The following MYSM1 variants were observed in gnomAD, a reference collection of about 807,000 sequenced individuals.
MYSM1 encodes deubiquitinase MYSM1.
MYSM1 carries 51 observed loss-of-function variants against 116.0 expected under a neutral mutation model. The ratio of observed to expected loss-of-function variants is 0.44; its 90% confidence interval spans 0.35 to 0.56. The LOEUF (loss-of-function observed/expected upper bound fraction) is 0.56. Ranked by LOEUF, MYSM1 falls within the 20% of genes least tolerant of loss-of-function variation. The pLI is 0.00. For synonymous variants in MYSM1, 313 were observed against 315.2 expected, an observed-to-expected ratio of 0.99 and a Z score of 0.07; for missense variants, 900 against 974.9, an observed-to-expected ratio of 0.92 and a Z score of 1.02.
At chr1:58,685,727 AG>A (rs1408500509) in intron 6 of MYSM1, among the ~76,000 whole-genome samples, 15 of 152,328 alleles carry the variant, frequency 9.8e-5, no homozygotes, top group African/African-American at 2.6e-4. Context: ...TTACTCTATC[AG>A]ATATCACAGT....
chr1:58,677,101 G>A (rs751043034), intron 8 of MYSM1, 45 bp from the exon 9 acceptor site: 9 of 1,523,024 alleles, frequency 5.9e-6, no homozygotes, highest in Admixed American at 2.2e-5. Flanking sequence ...AAATAAAAAC[G>A]TGAAAAAAGA....
intron 3 of MYSM1, among the ~76,000 whole-genome samples, chr1:58,692,150 ATAAT>A (rs1389726638): frequency 2.0e-5 from 3 of 152,204 alleles, no homozygotes; most frequent in Non-Finnish European, 2.9e-5. Flanking sequence ...TTAACCTATG[ATAAT>A]TAAAGGTACA....
At chr1:58,662,061 C>T (rs1644400587) in intron 17 of MYSM1, among the ~76,000 whole-genome samples, 1 of 151,874 alleles carries the variant, frequency 6.6e-6, no homozygotes, top group Non-Finnish European at 1.5e-5. Context: ...ATGTTAAAAC[C>T]CAGCAGGTTT....
In MYSM1 at chr1:58,655,597, A is replaced by C. The variant is rs1177417130; in HGVS notation, c.*4400T>G. 1.3e-5 allele frequency: 2 copies of C among 152,196 alleles called. No individual in the cohort carries two copies. The highest frequency in any genetic ancestry group is 6.5e-5 in the Admixed American group (1 of 15,274). 9.4% of individuals were successfully genotyped at this position (152,196 alleles called of 1,614,324 possible). ...ATAATTATAGGTTAAATAAAAAAGA[A>C]AATAGAGAAAGCAGAATTTGGGGGA... On this transcript the variant is annotated 3_prime_UTR_variant, in exon 20 of 20. Coordinates refer to ENST00000472487, the MANE Select transcript of MYSM1 (RefSeq NM_001085487.3).
chr1:58,671,751 G>A (rs1295176471), intron 12 of MYSM1, 119 bp downstream of exon 12: 3 of 696,328 alleles, frequency 4.3e-6, no homozygotes, highest in Non-Finnish European at 4.6e-6. Flanking sequence ...CTAAAAAATT[G>A]TAGCAGTATT....
intron 17 of MYSM1, 76 bp from the exon 18 acceptor site, chr1:58,661,587 T>C: frequency 1.2e-6 from 1 of 808,226 alleles, no homozygotes; most frequent in Non-Finnish European, 2.0e-6. Flanking sequence ...ATACTTAAAA[T>C]TCCCTTCGGT....
At chr1:58,683,818 T>A (rs1644784003) in intron 7 of MYSM1, among the ~76,000 whole-genome samples, 1 of 152,142 alleles carries the variant, frequency 6.6e-6, no homozygotes, top group Non-Finnish European at 1.5e-5. Flanking sequence ...GCTTTTAACA[T>A]CCCTGCTATT....
At position 58,684,382 on chromosome 1, in the gene MYSM1, G is replaced by A. The variant is rs180836590; in HGVS notation, c.498+771C>T. ...AGATCCAGACCATCCTGGCTGACAC[G>A]GTGAAACCCCGTCTCTACTAAAAAT... On this transcript the variant is annotated intron_variant, in intron 7 of 19. Coordinates refer to ENST00000472487, the MANE Select transcript of MYSM1 (RefSeq NM_001085487.3). Among the ~76,000 whole-genome samples, 8 of 151,968 alleles carry A rather than the reference G, an allele frequency of 5.3e-5. No homozygotes were observed. In the East Asian group the frequency reaches 1.4e-3, roughly 26 times the overall value.
intron 1 of MYSM1, among the ~76,000 whole-genome samples, chr1:58,696,230 A>T (rs1477511613): frequency 6.6e-6 from 1 of 152,236 alleles, no homozygotes; most frequent in Admixed American, 6.5e-5. Flanking sequence ...TTGCTCAAGT[A>T]ACTAGGTCTG....
chr1:58,699,706 T>C, intron 1 of MYSM1: 2 of 985,386 alleles, frequency 2.0e-6, no homozygotes, highest in Non-Finnish European at 2.4e-6. Context: ...GGAATCTAAA[T>C]GTAAATCAAA....
intron 1 of MYSM1, among the ~76,000 whole-genome samples, chr1:58,698,102 A>ATATATATATATATATATTTTTTT: frequency 3.9e-4 from 3 of 7,778 alleles, no homozygotes; most frequent in Non-Finnish European, 1.1e-3. Context: ...ATATATATAT[A>ATATATATATATATATATTTTTTT]TTTTTTTTTT....
Position 58,682,388 on chromosome 1 carries a change from T to C in MYSM1, c.656A>G (p.Asp219Gly). Residue 219 changes from aspartate to glycine, a missense_variant, in exon 8 of 20, where the codon GAT becomes GGT. Asp to Gly is a moderately conservative substitution (Grantham distance 94). This residue lies in a region of MYSM1 where 622 missense variants were observed against 623.7 expected (regional missense o/e 1.00). Transcript: ENST00000472487. ...LNAVKIEKLSDDEEVDITDEV... is the reference protein window; with the variant it reads ...LNAVKIEKLSGDEEVDITDEV... ...ATCTGTGATGTCTACTTCTTCATCA[T>C]CAGATAACTTTTCAATTTTTACAGC... is the stretch of plus-strand genomic sequence containing the variant. The C allele has an allele frequency of 6.2e-7, 1 of 1,614,180 alleles. No individual in the cohort carries two copies. Among genetic ancestry groups the C allele is most frequent in the African/African-American group, 1.3e-5 (1 of 75,046 alleles).
At chr1:58,670,915 T>C (rs1172270446) in intron 12 of MYSM1, among the ~76,000 whole-genome samples, 1 of 152,174 alleles carries the variant, frequency 6.6e-6, no homozygotes, top group Non-Finnish European at 1.5e-5. Context: ...ACAATAAATA[T>C]AAGTCTCACA....
chr1:58,673,381 AACT>A (rs1451058283), intron 11 of MYSM1, among the ~76,000 whole-genome samples, 189 bp downstream of exon 11: 1 of 152,232 alleles, frequency 6.6e-6, no homozygotes, highest in Non-Finnish European at 1.5e-5. Flanking sequence ...AAATGAGTTA[AACT>A]CCTAGTTAAC....
Position 58,690,392 on chromosome 1 carries a change from G to C in MYSM1, c.244C>G (p.Pro82Ala). The C allele has an allele frequency of 6.2e-7, 1 of 1,600,282 alleles. No homozygotes were observed. Among genetic ancestry groups the C allele is most frequent in the Non-Finnish European group, 8.5e-7 (1 of 1,172,794 alleles). Residue 82 changes from proline (P) to alanine (A), a missense_variant, in exon 4 of 20, where the codon CCG (proline) becomes GCG (alanine). Around this residue, in one of 3 missense-constraint regions of MYSM1, gnomAD observed 622 missense variants for 623.7 expected, o/e 1.00. Coordinates refer to ENST00000472487, the MANE Select transcript of MYSM1 (RefSeq NM_001085487.3). ...TTTTGATCAAGCCAGACTTTTTCCG[G>C]TTGTGATTTTTTAGATAAATAATAT... Reference protein sequence around the residue: ...EEYYLSKKSQPEKVWLDQKED... With the variant: ...EEYYLSKKSQAEKVWLDQKED...
intron 6 of MYSM1, among the ~76,000 whole-genome samples, chr1:58,687,434 C>T (rs544920154): frequency 2.6e-5 from 4 of 152,188 alleles, no homozygotes; most frequent in Non-Finnish European, 5.9e-5. Context: ...AATGTAGTCC[C>T]CATAAGTACC....
chr1:58,673,778 C>T (rs1163069646), intron 10 of MYSM1, 128 bp from the exon 11 acceptor site: 1 of 742,648 alleles, frequency 1.3e-6, no homozygotes, highest in Non-Finnish European at 2.2e-6. Flanking sequence ...AATAGTATAA[C>T]CTCTGGCAAT....
intron 2 of MYSM1, among the ~76,000 whole-genome samples, chr1:58,693,717 C>T (rs990065832): frequency 2.6e-5 from 4 of 152,182 alleles, no homozygotes; most frequent in African/African-American, 4.8e-5. Context: ...CTTCCATTAC[C>T]GTGAATGTTT....
Position 58,699,967 on chromosome 1 carries a change from C to A in MYSM1, c.68+18G>T. The A allele has an allele frequency of 2.5e-6, 4 of 1,613,462 alleles. No homozygotes were observed. The highest frequency in any genetic ancestry group is 3.4e-6 in the Non-Finnish European group (4 of 1,179,942). Reference sequence around the variant, plus strand: ...ACTCCCCTCTCCGCCCCAGAGAGACCCGGTCTCTAAGCCTCACCCTGGCTG... The same window carrying A: ...ACTCCCCTCTCCGCCCCAGAGAGACACGGTCTCTAAGCCTCACCCTGGCTG... On this transcript the variant is annotated intron_variant, in intron 1 of 19. Transcript: ENST00000472487.
Sources: gnomAD v4.1 joint callset for allele counts (sites outside exome capture counted in the v4.1 genomes callset) on GRCh38, gnomAD v4.1.1 for gene constraint, gnomAD v4.1.1 regional missense constraint, MANE v1.5 for transcripts, NCBI Gene and HGNC (gene_info 2026-07-23, HGNC 2026-07-21) for gene names.